CHSY3: variants seen among roughly 807,000 people sequenced by gnomAD.
CHSY3 encodes N-acetylgalactosaminyl-proteoglycan 3-beta-glucuronosyltransferase 3.
In CHSY3, 35 loss-of-function variants were observed where a neutral mutation model predicts 67.2. That is an observed-to-expected ratio of 0.52 (90% CI 0.40 to 0.69). The LOEUF (loss-of-function observed/expected upper bound fraction) is 0.69. CHSY3 is among the 30% of genes least tolerant of loss of function. The pLI is 0.00. For missense variants in CHSY3, 1,069 were observed against 1,138.5 expected (o/e 0.94, Z 0.88); for synonymous variants, 474 against 434.7 (o/e 1.09, Z -1.12).
At chr5:130,032,236 C>T (rs1764723688) in intron 2 of CHSY3, among the ~76,000 whole-genome samples, 1 of 152,090 alleles carries the variant, frequency 6.6e-6, no homozygotes, top group Admixed American at 6.6e-5. Context: ...TTTCCCGTCA[C>T]ATATTATAGA....
At chr5:129,984,478 T>C (rs912472000) in intron 2 of CHSY3, among the ~76,000 whole-genome samples, 29 of 152,062 alleles carry the variant, frequency 1.9e-4, no homozygotes, top group Non-Finnish European at 4.0e-4. Context: ...TCAGCACTGC[T>C]ATGACACACA....
At chr5:130,143,519 G>T (rs1332138259) in intron 2 of CHSY3, among the ~76,000 whole-genome samples, 8 of 151,322 alleles carry the variant, frequency 5.3e-5, no homozygotes, top group Non-Finnish European at 1.2e-4. Context: ...ATGGAGCGAT[G>T]GTTTGCTCAT....
At chr5:130,034,220 C>A (rs1385934764) in intron 2 of CHSY3, among the ~76,000 whole-genome samples, 1 of 151,330 alleles carries the variant, frequency 6.6e-6, no homozygotes, top group African/African-American at 2.4e-5. Context: ...TTTCAAATAA[C>A]ATACTTGAAA....
chr5:130,135,692 T>C (rs1768637641), intron 2 of CHSY3, among the ~76,000 whole-genome samples: 1 of 152,078 alleles, frequency 6.6e-6, no homozygotes, highest in South Asian at 2.1e-4. Flanking sequence ...GCTTTCAGGC[T>C]TTACCAGTCA....
chr5:129,941,595 CAAGTG>C (rs1212806903), intron 2 of CHSY3, among the ~76,000 whole-genome samples: 1 of 152,136 alleles, frequency 6.6e-6, no homozygotes, highest in African/African-American at 2.4e-5. Context: ...ATCCATCTAA[CAAGTG>C]AAGATTACCA....
Position 130,184,987 on chromosome 5 carries a change from G to C in CHSY3, c.1845G>C (p.Gly615=), listed in dbSNP as rs1290983027. The change falls in exon 3 of 3, where the codon GGG becomes GGC. Residue 615 remains glycine, a synonymous_variant. Transcript: ENST00000305031. ...SSFQGAKEMG[G]HNEKKVHILV... ...TTCAAGGTGCCAAAGAAATGGGAGGGCACAATGAAAAGAAAGTACACATTC... is the reference window on the plus strand; with the variant it reads ...TTCAAGGTGCCAAAGAAATGGGAGGCCACAATGAAAAGAAAGTACACATTC... 1 of 1,556,872 alleles carries C rather than the reference G, an allele frequency of 6.4e-7. No homozygotes were observed. The highest frequency in any genetic ancestry group is 1.4e-5 in the African/African-American group (1 of 73,424).
chr5:130,134,657 G>T (rs1269957690), intron 2 of CHSY3, among the ~76,000 whole-genome samples: 3 of 152,098 alleles, frequency 2.0e-5, no homozygotes, highest in Admixed American at 1.3e-4. Flanking sequence ...GATTATTTAA[G>T]ATTTTGAGAT....
chr5:129,906,728 A>G (rs1311074680), intron 1 of CHSY3, among the ~76,000 whole-genome samples: 1 of 152,104 alleles, frequency 6.6e-6, no homozygotes, highest in Non-Finnish European at 1.5e-5. Context: ...TGTTTTCCAC[A>G]TTTCCTTGCT....
intron 2 of CHSY3, among the ~76,000 whole-genome samples, chr5:130,148,815 T>C (rs990771378): frequency 2.0e-5 from 3 of 152,206 alleles, no homozygotes; most frequent in Non-Finnish European, 2.9e-5. Context: ...GTCAGATGCA[T>C]AAATTGAAAT....
chr5:130,000,740 T>C (rs899878312), intron 2 of CHSY3, among the ~76,000 whole-genome samples: 2 of 130,946 alleles, frequency 1.5e-5, no homozygotes, highest in African/African-American at 6.4e-5. Flanking sequence ...TTCTTTTTTT[T>C]TTTTTTTTTT....
intron 2 of CHSY3, among the ~76,000 whole-genome samples, chr5:129,952,823 G>C (rs55719225): frequency 0.6 from 90,841 of 152,012 alleles, 27,384 homozygotes; most frequent in African/African-American, 0.66. Flanking sequence ...ATGCCAGGCA[G>C]TGGGATGGAT....
intron 2 of CHSY3, among the ~76,000 whole-genome samples, chr5:130,146,533 A>G (rs547326249): frequency 1.3e-5 from 2 of 152,258 alleles, no homozygotes; most frequent in East Asian, 1.9e-4. Flanking sequence ...CTTGTGTTCT[A>G]TTATACAGTA....
chr5:129,907,608 C>T (rs1431468919), intron 1 of CHSY3, among the ~76,000 whole-genome samples: 1 of 152,054 alleles, frequency 6.6e-6, no homozygotes, highest in Non-Finnish European at 1.5e-5. Context: ...CAAAACTGTG[C>T]GGGTTGTATA....
chr5:130,125,416 C>CAGATAGATAGATATATAGATAGAT (rs376939367), intron 2 of CHSY3, among the ~76,000 whole-genome samples: 1 of 140,892 alleles, frequency 7.1e-6, no homozygotes, highest in African/African-American at 2.8e-5. Context: ...GATCCTGTCT[C>CAGATAGATAGATATATAGATAGAT]AGATAGATAG....
chr5:130,142,767 T>C (rs899309013), intron 2 of CHSY3, among the ~76,000 whole-genome samples: 4 of 152,168 alleles, frequency 2.6e-5, no homozygotes, highest in Admixed American at 6.6e-5. Flanking sequence ...AGAGAATCCA[T>C]GGTCTTCACC....
chr5:130,063,974 G>T (rs1561519862), intron 2 of CHSY3, among the ~76,000 whole-genome samples: 1 of 152,084 alleles, frequency 6.6e-6, no homozygotes, highest in Non-Finnish European at 1.5e-5. Context: ...AATTAGTGAA[G>T]ATTATACTGA....
intron 2 of CHSY3, among the ~76,000 whole-genome samples, chr5:130,125,924 A>T (rs990346129): frequency 6.6e-6 from 1 of 152,214 alleles, no homozygotes; most frequent in Non-Finnish European, 1.5e-5. Context: ...GTCACAGTTC[A>T]TTAGACCTTT....
chr5:130,148,849 C>T (rs769134063), intron 2 of CHSY3, among the ~76,000 whole-genome samples: 7 of 151,892 alleles, frequency 4.6e-5, no homozygotes, highest in African/African-American at 1.5e-4. Context: ...GTGGGTTGTC[C>T]GGTGACTCTG....
intron 2 of CHSY3, among the ~76,000 whole-genome samples, chr5:129,936,117 A>G (rs1165362832): frequency 3.3e-5 from 5 of 152,218 alleles, no homozygotes; most frequent in Non-Finnish European, 7.4e-5. Flanking sequence ...AACTTGAAAG[A>G]CTTTATGAAA....
Sources: gnomAD v4.1 joint callset for allele counts (sites outside exome capture counted in the v4.1 genomes callset) on GRCh38, gnomAD v4.1.1 for gene constraint, MANE v1.5 for transcripts, NCBI Gene and HGNC (gene_info 2026-07-23, HGNC 2026-07-21) for gene names.